The following THSD7B variants were observed in gnomAD, a reference collection of about 807,000 sequenced individuals.
THSD7B encodes thrombospondin type 1 domain containing 7B.
Under a neutral mutation model 213.6 loss-of-function variants are expected in THSD7B, and 138 were observed. That is an observed-to-expected ratio of 0.65 (90% confidence interval 0.56 to 0.74). The LOEUF (loss-of-function observed/expected upper bound fraction) is 0.74, where lower values mean the gene tolerates loss of function less well. Among genes scored for constraint, THSD7B ranks in the 30% least tolerant of loss-of-function variants. THSD7B has a pLI of 0.00. For missense variants in THSD7B, 1,931 were observed against 1,991.5 expected, an observed-to-expected ratio of 0.97 and a Z score of 0.58; for synonymous variants, 742 against 687.0, an observed-to-expected ratio of 1.08 and a Z score of -1.25.
chr2:137,547,406 T>C (rs1427553452), intron 15 of THSD7B, among the ~76,000 whole-genome samples: 2 of 152,032 alleles, frequency 1.3e-5, no homozygotes, highest in Non-Finnish European at 2.9e-5. Flanking sequence ...TGCTTCTTCA[T>C]ACATTTATAC....
chr2:137,650,076 T>C (rs1377558331), intron 21 of THSD7B, among the ~76,000 whole-genome samples: 1 of 152,188 alleles, frequency 6.6e-6, no homozygotes, highest in Non-Finnish European at 1.5e-5. Flanking sequence ...CATTGATATT[T>C]TGAGTTCCAT....
chr2:137,290,484 C>T (rs996604562), intron 12 of THSD7B, among the ~76,000 whole-genome samples: 3 of 152,082 alleles, frequency 2.0e-5, no homozygotes, highest in Non-Finnish European at 4.4e-5. Flanking sequence ...GATCCCAAGT[C>T]GCTGAGCCCC....
chr2:137,306,053 G>T (rs927566252), intron 12 of THSD7B, among the ~76,000 whole-genome samples: 1 of 152,132 alleles, frequency 6.6e-6, no homozygotes, highest in African/African-American at 2.4e-5. Context: ...GAATTTGCAG[G>T]ACTGGAAGTT....
At chr2:137,371,334 C>T (rs1403459480) in intron 12 of THSD7B, among the ~76,000 whole-genome samples, 1 of 152,160 alleles carries the variant, frequency 6.6e-6, no homozygotes, top group Non-Finnish European at 1.5e-5. Context: ...ATTCCGTTCT[C>T]ACACTTGAAT....
chr2:136,886,845 T>C (rs1683728138), intron 2 of THSD7B, among the ~76,000 whole-genome samples: 1 of 152,152 alleles, frequency 6.6e-6, no homozygotes, highest in African/African-American at 2.4e-5. Flanking sequence ...ACACTTTTGA[T>C]TCTGTTAGAA....
Position 137,163,571 on chromosome 2 carries a change from GGA to G in THSD7B, c.1525+3209_1525+3210del, listed in dbSNP as rs559950127. On this transcript the variant is annotated intron_variant, in intron 6 of 27. Coordinates refer to ENST00000409968, the MANE Select transcript of THSD7B (RefSeq NM_001316349.2). The stretch of plus-strand genomic sequence containing the variant: ...GGAGAACCACAACCACCAGAAGCTA[GGA>G]GAGAGGCATGGCACAGATTCTTCTG... Among the ~76,000 whole-genome samples, 642 of 152,354 alleles carry G rather than the reference GGA, an allele frequency of 4.2e-3. 5 individuals carry two copies. The highest frequency in any genetic ancestry group is 0.012 in the African/African-American group (511 of 41,584).
chr2:137,299,076 C>G (rs531338400), intron 12 of THSD7B, among the ~76,000 whole-genome samples: 1 of 152,240 alleles, frequency 6.6e-6, no homozygotes, highest in Admixed American at 6.5e-5. Context: ...GGAGGCTGTA[C>G]CCTGCAAAAC....
rs534196036 is a variant in THSD7B at position 137,242,377 on chromosome 2, C to T, written c.2151-80C>T. ...GGGAACATGAGGCCCTTAATATTTTCGGTTCTAAAATCCTATAGTTCTGCG... is the reference window on the plus strand; with the variant it reads ...GGGAACATGAGGCCCTTAATATTTTTGGTTCTAAAATCCTATAGTTCTGCG... On this transcript the variant is annotated intron_variant, in intron 9 of 27. Coordinates refer to ENST00000409968, the MANE Select transcript of THSD7B (RefSeq NM_001316349.2). 1.5e-4 allele frequency: 161 copies of T among 1,063,406 alleles called. No individual in the cohort carries two copies. In the African/African-American group the frequency reaches 2.1e-3, roughly 14 times the overall value. 65.9% of individuals were successfully genotyped at this position (1,063,406 alleles called of 1,614,324 possible). A position where few individuals can be genotyped will look rare whatever the true frequency, so the allele number is the denominator to read the frequency against.
At chr2:137,405,869 A>C (rs1379878679) in intron 13 of THSD7B, 62 bp downstream of exon 13, 1 of 1,445,184 alleles carries the variant, frequency 6.9e-7, no homozygotes, top group African/African-American at 1.4e-5. Context: ...TCTTTTGTGT[A>C]GAATATGAGG....
rs186701252 is a variant in THSD7B at position 137,300,965 on chromosome 2, G to A, written c.2500+24939G>A. On this transcript the variant is annotated intron_variant, in intron 12 of 27. Coordinates refer to ENST00000409968, the MANE Select transcript of THSD7B (RefSeq NM_001316349.2). Reference sequence around the variant, plus strand: ...CTTTGGTGCTGGCATGATGAGGGCCGGTAAAGTGTATGTGCCTGTGCTAAT... The same window carrying A: ...CTTTGGTGCTGGCATGATGAGGGCCAGTAAAGTGTATGTGCCTGTGCTAAT... Among the ~76,000 whole-genome samples, 201 of 152,162 alleles carry A rather than the reference G, an allele frequency of 1.3e-3. No individual in the cohort carries two copies. In the Middle Eastern group the frequency reaches 0.014, roughly 10 times the overall value.
chr2:137,542,353 T>C (rs965672979), intron 15 of THSD7B, among the ~76,000 whole-genome samples: 3 of 151,664 alleles, frequency 2.0e-5, no homozygotes, highest in African/African-American at 7.2e-5. Flanking sequence ...CAGCAAAGTA[T>C]TCTTTGAAAA....
intron 15 of THSD7B, among the ~76,000 whole-genome samples, chr2:137,482,252 C>T (rs997304712): frequency 6.6e-6 from 1 of 150,826 alleles, no homozygotes; most frequent in Non-Finnish European, 1.5e-5. Context: ...GTTGACTAAT[C>T]ATTAGTAGAG....
rs543234124 is a variant in THSD7B at position 137,144,303 on chromosome 2, A to C, written c.1370-15910A>C. On this transcript the variant is annotated intron_variant, in intron 5 of 27. Coordinates refer to ENST00000409968, the MANE Select transcript of THSD7B (RefSeq NM_001316349.2). The stretch of plus-strand genomic sequence containing the variant: ...AATTTTAAGGCCATTTCATACTCTC[A>C]AATATACATCAAATTGTTGCTACCA... 2.6e-5 allele frequency among the ~76,000 whole-genome samples: 4 copies of C among 152,202 alleles called. No homozygotes were observed. In the South Asian group the frequency reaches 8.3e-4, roughly 32 times the overall value.
At chr2:137,545,328 C>T (rs1039790466) in intron 15 of THSD7B, among the ~76,000 whole-genome samples, 2 of 151,698 alleles carry the variant, frequency 1.3e-5, no homozygotes, top group African/African-American at 4.8e-5. Context: ...AAAAACTAGA[C>T]CCCAAGAGTC....
In THSD7B at chr2:136,792,804, C is replaced by T. The variant is rs145647344; in HGVS notation, c.-36+27117C>T. On this transcript the variant is annotated intron_variant, in intron 1 of 27. Transcript: ENST00000409968. ...TCTCTGTATTCCTATCTCCTACTGCCTATCCTGAAAATTTTATAGAAATGG... is the reference window on the plus strand; with the variant it reads ...TCTCTGTATTCCTATCTCCTACTGCTTATCCTGAAAATTTTATAGAAATGG... Among the ~76,000 whole-genome samples the T allele has an allele frequency of 3.3e-5, 5 of 152,122 alleles. No individual in the cohort carries two copies. The East Asian group carries it at 9.7e-4, about 29-fold the overall frequency.
At chr2:136,874,224 A>G (rs1266551697) in intron 1 of THSD7B, among the ~76,000 whole-genome samples, 1 of 152,112 alleles carries the variant, frequency 6.6e-6, no homozygotes, top group Non-Finnish European at 1.5e-5. Flanking sequence ...TATCTTTGGG[A>G]CTTCAGGTTG....
chr2:137,036,633 G>T (rs1195586471), intron 2 of THSD7B, among the ~76,000 whole-genome samples: 1 of 152,142 alleles, frequency 6.6e-6, no homozygotes, highest in East Asian at 1.9e-4. Context: ...GCCTGTAAAA[G>T]AACTGCAAGT....
chr2:137,587,278 C>T (rs1048499566), intron 17 of THSD7B, among the ~76,000 whole-genome samples: 11 of 152,158 alleles, frequency 7.2e-5, no homozygotes, highest in Non-Finnish European at 1.2e-4. Flanking sequence ...GTGATGGGTT[C>T]AAACTTCCTC....
At chr2:137,548,807 T>C (rs1201987830) in intron 15 of THSD7B, among the ~76,000 whole-genome samples, 2 of 152,084 alleles carry the variant, frequency 1.3e-5, no homozygotes, top group African/African-American at 4.8e-5. Context: ...GCCATACAAA[T>C]GTAGGATTTC....
Sources: gnomAD v4.1 joint callset for allele counts (sites outside exome capture counted in the v4.1 genomes callset) on GRCh38, gnomAD v4.1.1 for gene constraint, MANE v1.5 for transcripts, NCBI Gene and HGNC (gene_info 2026-07-23, HGNC 2026-07-21) for gene names.